The following PID1 variants were observed in gnomAD, a reference collection of about 807,000 sequenced individuals.
PID1 encodes PTB-containing, cubilin and LRP1-interacting protein.
A neutral mutation model predicts 19.1 loss-of-function variants in PID1; 10 were observed. The observed-to-expected ratio is 0.52, with a 90% CI of 0.32 to 0.89. PID1 has a LOEUF of 0.89. Among genes scored for constraint, PID1 ranks in the 40% least tolerant of loss-of-function variants. PID1 has a pLI of 0.03. For synonymous variants in PID1, 130 were observed against 116.0 expected (o/e 1.12, Z -0.78); for missense variants, 248 against 285.3 (o/e 0.87, Z 0.94).
intron 2 of PID1, among the ~76,000 whole-genome samples, chr2:229,132,403 A>T (rs1259675263): frequency 6.6e-6 from 1 of 152,216 alleles, no homozygotes; most frequent in Non-Finnish European, 1.5e-5. Flanking sequence ...TCAGCATAAG[A>T]ACATGAGAGA....
chr2:229,121,107 A>G (rs1695509264), intron 2 of PID1, among the ~76,000 whole-genome samples: 1 of 152,192 alleles, frequency 6.6e-6, no homozygotes, highest in African/African-American at 2.4e-5. Context: ...CAGCAACACA[A>G]AATGGACTAA....
chr2:229,102,210 TAA>T (rs1454040041), intron 2 of PID1, among the ~76,000 whole-genome samples: 11 of 152,112 alleles, frequency 7.2e-5, no homozygotes, highest in Admixed American at 6.5e-4. Flanking sequence ...CTCACCTGCA[TAA>T]ATGTGTGAGA....
In PID1 at chr2:229,069,503, A is replaced by T. The variant is rs547123140; in HGVS notation, c.178-43395T>A. Among the ~76,000 whole-genome samples, 21 of 152,334 alleles carry T rather than the reference A, an allele frequency of 1.4e-4. 1 individual carries two copies. Among genetic ancestry groups the T allele is most frequent in the Non-Finnish European group, 2.4e-4 (16 of 68,034 alleles). ...ACTGCAAGGACCACAGTTGATAAGC[A>T]CAAAGCAAATACAACAAGAAAGTAC... On this transcript the variant is annotated intron_variant, in intron 2 of 2. Transcript: ENST00000392055.
At chr2:229,047,896 C>T (rs1693915559) in intron 2 of PID1, among the ~76,000 whole-genome samples, 2 of 152,184 alleles carry the variant, frequency 1.3e-5, no homozygotes, top group Non-Finnish European at 2.9e-5. Flanking sequence ...AGCTGTTCTA[C>T]ATCTTGGTGT....
At chr2:229,073,554 C>A (rs912047349) in intron 2 of PID1, among the ~76,000 whole-genome samples, 1 of 152,140 alleles carries the variant, frequency 6.6e-6, no homozygotes, top group South Asian at 2.1e-4. Flanking sequence ...CTATCCCCCA[C>A]GTATTTTGGG....
intron 1 of PID1, among the ~76,000 whole-genome samples, chr2:229,219,129 C>T (rs1373049037): frequency 6.6e-6 from 1 of 152,124 alleles, no homozygotes; most frequent in East Asian, 1.9e-4. Context: ...CTAGTTCAGG[C>T]CCTTTTAATT....
chr2:229,260,501 C>T (rs1444858300), intron 1 of PID1, among the ~76,000 whole-genome samples: 2 of 149,540 alleles, frequency 1.3e-5, no homozygotes, highest in African/African-American at 2.5e-5. Context: ...TATATATGTG[C>T]ATGTGTGTGT....
At chr2:229,139,039 GAGAAAGAAAGAAAGAAAGAGAA>G (rs1689931236) in intron 2 of PID1, among the ~76,000 whole-genome samples, 1 of 48,360 alleles carries the variant, frequency 2.1e-5, no homozygotes, top group Non-Finnish European at 4.6e-5. Flanking sequence ...AAGAAAGAAA[GAGAAAGAAAGAAAGAAAGAGAA>G]AGAAAGAAAG....
intron 2 of PID1, among the ~76,000 whole-genome samples, chr2:229,082,215 CT>C (rs774119267): frequency 6.6e-6 from 1 of 152,196 alleles, no homozygotes; most frequent in Non-Finnish European, 1.5e-5. Context: ...CCAACATGGA[CT>C]ATGATGCCAA....
chr2:229,238,732 G>C (rs1689788037), intron 1 of PID1, among the ~76,000 whole-genome samples: 1 of 152,050 alleles, frequency 6.6e-6, no homozygotes, highest in East Asian at 1.9e-4. Flanking sequence ...CATGGGCAGG[G>C]ATAAGAGGAG....
chr2:229,218,560 G>C (rs1460893603), intron 1 of PID1, among the ~76,000 whole-genome samples: 1 of 152,162 alleles, frequency 6.6e-6, no homozygotes, highest in African/African-American at 2.4e-5. Flanking sequence ...GGATAGAAAT[G>C]TCACCCAAAA....
At chr2:229,256,909 T>G (rs867600464) in intron 1 of PID1, among the ~76,000 whole-genome samples, 11 of 152,152 alleles carry the variant, frequency 7.2e-5, no homozygotes, top group African/African-American at 2.7e-4. Context: ...AAAATACATA[T>G]CAGAGGCTCT....
intron 1 of PID1, among the ~76,000 whole-genome samples, chr2:229,188,385 A>C (rs1691180028): frequency 6.6e-6 from 1 of 152,166 alleles, no homozygotes; most frequent in Non-Finnish European, 1.5e-5. Flanking sequence ...AAGGGGAAGA[A>C]AGGGGAAGAG....
intron 1 of PID1, chr2:229,236,360 G>C (rs1320320579): frequency 6.6e-6 from 1 of 152,148 alleles, no homozygotes; most frequent in Non-Finnish European, 1.5e-5. Context: ...AAGAGATTTG[G>C]AGAGTTAGGC....
intron 1 of PID1, among the ~76,000 whole-genome samples, chr2:229,190,901 T>G (rs1012979100): frequency 6.6e-6 from 1 of 152,194 alleles, no homozygotes; most frequent in Non-Finnish European, 1.5e-5. Flanking sequence ...TGGTTCTTGA[T>G]AGCTAAAATA....
At chr2:229,092,781 T>G (rs568655142) in intron 2 of PID1, among the ~76,000 whole-genome samples, 2 of 152,280 alleles carry the variant, frequency 1.3e-5, no homozygotes, top group African/African-American at 4.8e-5. Flanking sequence ...AAATAAAAAC[T>G]TAATACACTG....
chr2:229,060,814 TA>T (rs1437391599), intron 2 of PID1, among the ~76,000 whole-genome samples: 4 of 152,134 alleles, frequency 2.6e-5, no homozygotes, highest in Admixed American at 2.6e-4. Flanking sequence ...ATAGCCATTT[TA>T]CCAGGTTATA....
intron 2 of PID1, among the ~76,000 whole-genome samples, chr2:229,038,909 A>G (rs1693714567): frequency 6.6e-6 from 1 of 152,184 alleles, no homozygotes; most frequent in South Asian, 2.1e-4. Context: ...TGTAGGATAT[A>G]CCTGTTTGCC....
chr2:229,169,427 G>C (rs573378888), intron 1 of PID1, among the ~76,000 whole-genome samples: 2 of 152,194 alleles, frequency 1.3e-5, no homozygotes, highest in African/African-American at 4.8e-5. Context: ...CAGAAGGTAT[G>C]GATTTTTCTT....
Sources: gnomAD v4.1 joint callset for allele counts (sites outside exome capture counted in the v4.1 genomes callset) on GRCh38, gnomAD v4.1.1 for gene constraint, MANE v1.5 for transcripts, NCBI Gene and HGNC (gene_info 2026-07-23, HGNC 2026-07-21) for gene names.